The following GCNT2 variants were observed in gnomAD, a reference collection of about 807,000 sequenced individuals.
The protein encoded by GCNT2 is glucosaminyl (N-acetyl) transferase 2 (I blood group).
In GCNT2, 34 loss-of-function variants were observed where a neutral mutation model predicts 34.2. The observed-to-expected ratio is 1.00, with a 90% CI of 0.76 to 1.32. The LOEUF is 1.32. Ranked by LOEUF, GCNT2 falls within the 40% of genes most tolerant of loss-of-function variation. GCNT2 has a pLI of 0.00. For missense variants in GCNT2, 584 were observed against 489.4 expected, an observed-to-expected ratio of 1.19 and a Z score of -1.82; for synonymous variants, 212 against 188.0, an observed-to-expected ratio of 1.13 and a Z score of -1.04.
intron 3 of GCNT2, among the ~76,000 whole-genome samples, chr6:10,530,707 T>C (rs1056568829): frequency 1.3e-5 from 2 of 151,302 alleles, no homozygotes; most frequent in Non-Finnish European, 2.9e-5. Flanking sequence ...ACTGTCTCTA[T>C]TTTTTTTCAA....
chr6:10,611,520 G>A (rs1328051423), intron 3 of GCNT2, among the ~76,000 whole-genome samples: 1 of 151,426 alleles, frequency 6.6e-6, no homozygotes, highest in Non-Finnish European at 1.5e-5. Context: ...TAGTAGAGAC[G>A]GGGTTTCACC....
intron 3 of GCNT2, among the ~76,000 whole-genome samples, chr6:10,589,333 A>AGT (rs959434993): frequency 1.0e-5 from 1 of 98,030 alleles, no homozygotes; most frequent in Admixed American, 9.8e-5. Context: ...GTGTGTTTGT[A>AGT]GTGTGTGTGT....
chr6:10,567,059 C>A lies in GCNT2; in HGVS notation c.925+37223C>A, dbSNP rs78373393. Among the ~76,000 whole-genome samples the A allele has an allele frequency of 5.2e-3, 788 of 152,314 alleles. 2 individuals carry two copies. Among genetic ancestry groups the A allele is most frequent in the Middle Eastern group, 0.017 (5 of 294 alleles). Reference sequence around the variant, plus strand: ...ATTAAAGAGAAGGCTAGACTTATGCCTATAATCCCAGCACTTTGGGAGGCC... The same window carrying A: ...ATTAAAGAGAAGGCTAGACTTATGCATATAATCCCAGCACTTTGGGAGGCC... On this transcript the variant is annotated intron_variant, in intron 3 of 4. Transcript: ENST00000495262.
chr6:10,606,272 G>A (rs1201482403), intron 3 of GCNT2, among the ~76,000 whole-genome samples: 1 of 152,190 alleles, frequency 6.6e-6, no homozygotes. Context: ...CCAAGATCAC[G>A]CTATTGCACT....
rs1561818470 is a variant in GCNT2, at chr6:10,585,056, TGTGTGTGTGTGTGTGTGTGTGTGCGC to T, written c.926-36293_926-36268del. Among the ~76,000 whole-genome samples the T allele has an allele frequency of 5.1e-4, 72 of 140,806 alleles. 1 individual carries two copies. Among genetic ancestry groups the T allele is most frequent in the African/African-American group, 2.1e-3 (69 of 32,902 alleles). 92.4% of individuals were successfully genotyped at this position (140,806 alleles called of 152,430 possible). A position where few individuals can be genotyped will look rare whatever the true frequency, so the allele number is the denominator to read the frequency against. On this transcript the variant is annotated intron_variant, in intron 3 of 4. Coordinates refer to ENST00000495262, the MANE Select transcript of GCNT2 (RefSeq NM_145649.5). Reference sequence around the variant, plus strand: ...CAGTGTGTGTGTGTGTGTGTGTGTGTGTGTGTGTGTGTGTGTGTGTGTGCGCGCTATATTCTGACACATCATTAGAA... The same window carrying T: ...CAGTGTGTGTGTGTGTGTGTGTGTGTGCTATATTCTGACACATCATTAGAA...
intron 3 of GCNT2, among the ~76,000 whole-genome samples, chr6:10,611,380 G>C (rs1212942124): frequency 6.6e-6 from 1 of 150,762 alleles, no homozygotes; most frequent in Non-Finnish European, 1.5e-5. Context: ...TGGCAGGCTG[G>C]AGTGCAGTGA....
At chr6:10,547,886 A>T (rs1175904398) in intron 3 of GCNT2, among the ~76,000 whole-genome samples, 1 of 152,172 alleles carries the variant, frequency 6.6e-6, no homozygotes, top group African/African-American at 2.4e-5. Context: ...GTTATAATCC[A>T]TTATTCTTTT....
rs749167856 is a variant in GCNT2 at position 10,586,255 on chromosome 6, C to A, written c.926-35096C>A. ...AATCACTACATCACAAGTCCCCTGT[C>A]GGAAGAAGAGGCTGCATTCCCTTTG... On this transcript the variant is annotated intron_variant, in intron 3 of 4. Transcript: ENST00000495262. 3.7e-6 allele frequency: 6 copies of A among 1,614,162 alleles called. No individual in the cohort carries two copies. In the South Asian group the frequency reaches 6.6e-5, roughly 18 times the overall value.
intron 3 of GCNT2, among the ~76,000 whole-genome samples, chr6:10,577,263 A>G (rs2127403023): frequency 6.6e-6 from 1 of 152,306 alleles, no homozygotes; most frequent in South Asian, 2.1e-4. Flanking sequence ...ACAGCCATGT[A>G]GGGCAGGGGG....
chr6:10,559,313 T>C (rs942589107), intron 3 of GCNT2, among the ~76,000 whole-genome samples: 4 of 152,208 alleles, frequency 2.6e-5, no homozygotes, highest in Admixed American at 6.5e-5. Flanking sequence ...GAACGACATC[T>C]ACATGGGTAG....
rs1366464218 is a variant in GCNT2, at chr6:10,616,264, G to GA, written c.926-5087_926-5086insA. Among the ~76,000 whole-genome samples, 828 of 152,266 alleles carry GA rather than the reference G, an allele frequency of 5.4e-3. 11 individuals are homozygous for GA. The highest frequency in any genetic ancestry group is 7.8e-3 in the Non-Finnish European group (529 of 68,000). On this transcript the variant is annotated intron_variant, in intron 3 of 4. Coordinates refer to ENST00000495262, the MANE Select transcript of GCNT2 (RefSeq NM_145649.5). The stretch of plus-strand genomic sequence containing the variant: ...TGGTTTTGCTGGCTTCAGGAGTAAA[G>GA]TTGCAGACCTTCGTGGTGAGTGTTA...
intron 3 of GCNT2, among the ~76,000 whole-genome samples, chr6:10,568,926 C>T (rs1763402677): frequency 6.6e-6 from 1 of 152,034 alleles, no homozygotes; most frequent in Admixed American, 6.6e-5. Context: ...GAAGCTTTTT[C>T]TGGTCTTATT....
At chr6:10,523,671 CT>C (rs1408768505) in intron 1 of GCNT2, among the ~76,000 whole-genome samples, 1 of 151,818 alleles carries the variant, frequency 6.6e-6, no homozygotes, top group Admixed American at 6.6e-5. Flanking sequence ...GTTGTCTTGA[CT>C]CTAGACTTGA....
intron 3 of GCNT2, among the ~76,000 whole-genome samples, chr6:10,617,743 A>ATTTTTTTTTTTTT (rs1254996839): frequency 6.2e-5 from 7 of 112,802 alleles, no homozygotes; most frequent in African/African-American, 1.2e-4. Flanking sequence ...CAGAGTCTGC[A>ATTTTTTTTTTTTT]TTTCTTCTTT....
chr6:10,599,257 G>A (rs1349473908), intron 3 of GCNT2, among the ~76,000 whole-genome samples: 2 of 152,154 alleles, frequency 1.3e-5, no homozygotes, highest in African/African-American at 2.4e-5. Context: ...TCACAGGCGC[G>A]TCAGTCCACG....
chr6:10,574,097 C>T (rs1763679207), intron 3 of GCNT2, among the ~76,000 whole-genome samples: 1 of 152,162 alleles, frequency 6.6e-6, no homozygotes, highest in Admixed American at 6.5e-5. Flanking sequence ...TCTTAAGAAC[C>T]CTATGGGGTC....
intron 3 of GCNT2, chr6:10,556,258 A>G: frequency 6.8e-7 from 1 of 1,474,034 alleles, no homozygotes; most frequent in Non-Finnish European, 8.9e-7. Context: ...AGGGACAGAG[A>G]CAGCAGCTGG....
intron 3 of GCNT2, among the ~76,000 whole-genome samples, chr6:10,614,305 C>A (rs1561837894): frequency 1.3e-5 from 2 of 152,006 alleles, no homozygotes; most frequent in African/African-American, 4.8e-5. Flanking sequence ...TATTGAAGGG[C>A]AAATTGAAAT....
intron 3 of GCNT2, chr6:10,574,696 T>G (rs1763715409): frequency 1.3e-5 from 5 of 386,414 alleles, no homozygotes; most frequent in Non-Finnish European, 2.4e-5. Context: ...GTTTTTTGTT[T>G]GTTTGTTTGT....
Sources: gnomAD v4.1 joint callset for allele counts (sites outside exome capture counted in the v4.1 genomes callset) on GRCh38, gnomAD v4.1.1 for gene constraint, MANE v1.5 for transcripts, NCBI Gene and HGNC (gene_info 2026-07-23, HGNC 2026-07-21) for gene names.